The following SIRT2 variants were observed in gnomAD, a reference collection of about 807,000 sequenced individuals.
SIRT2 encodes the protein NAD-dependent protein deacetylase sirtuin-2.
A neutral mutation model predicts 57.4 loss-of-function variants in SIRT2; 40 were observed. The ratio of observed to expected loss-of-function variants is 0.70; its 90% CI spans 0.54 to 0.91. The LOEUF is 0.91. Ranked by LOEUF, SIRT2 falls within the 40% of genes least tolerant of loss-of-function variation. The pLI is 0.00. For synonymous variants in SIRT2, 161 were observed against 195.7 expected (o/e 0.82, Z 1.48); for missense variants, 439 against 510.4 (o/e 0.86, Z 1.35).
chr19:38,891,782 T>C (rs943007862), intron 4 of SIRT2: 4 of 447,006 alleles, frequency 8.9e-6, no homozygotes, highest in Non-Finnish European at 1.9e-5. Flanking sequence ...GGCACCCTCA[T>C]GAGCCAATTA....
chr19:38,894,739 C>A (rs1048751614), intron 2 of SIRT2: 2 of 452,646 alleles, frequency 4.4e-6, no homozygotes, highest in African/African-American at 2.0e-5. Flanking sequence ...TGTCTCCTTC[C>A]TCGAAGCCTC....
At chr19:38,889,582 G>C (rs1288003042) in intron 7 of SIRT2, 107 bp downstream of exon 7, 2 of 1,280,042 alleles carry the variant, frequency 1.6e-6, no homozygotes, top group East Asian at 4.9e-5. Flanking sequence ...CAGCACCCAT[G>C]TACTTAATGG....
intron 7 of SIRT2, 123 bp from the exon 8 acceptor site, chr19:38,889,278 G>A (rs1354699510): frequency 1.1e-5 from 9 of 851,554 alleles, no homozygotes; most frequent in East Asian, 5.2e-5. Context: ...CACAGCAGCC[G>A]CGTCGGGGAG....
chr19:38,885,592 ATT>A (rs35779731), intron 8 of SIRT2, among the ~76,000 whole-genome samples: 9 of 122,434 alleles, frequency 7.4e-5, no homozygotes, highest in African/African-American at 6.2e-5. Flanking sequence ...ATGCGTGGCT[ATT>A]TTTTTTTTTT....
At position 38,890,179 on chromosome 19, in the gene SIRT2, G is replaced by A. The variant is rs201342205; in HGVS notation, c.227-35C>T. The A allele has an allele frequency of 8.9e-5, 143 of 1,611,338 alleles. No homozygotes were observed. The East Asian group carries it at 1.4e-3, about 16-fold the overall frequency. ...AGGAACTTATGCACCATATGACACC[G>A]TTTGCTCAGTCCCTACGATAGCACC... On this transcript the variant is annotated intron_variant, in intron 4 of 15. Coordinates refer to ENST00000249396, the MANE Select transcript of SIRT2 (RefSeq NM_012237.4).
intron 2 of SIRT2, among the ~76,000 whole-genome samples, chr19:38,895,359 C>T (rs1348546422): frequency 6.6e-6 from 1 of 152,178 alleles, no homozygotes; most frequent in Non-Finnish European, 1.5e-5. Flanking sequence ...TATGGAATTG[C>T]CAGGATGTCC....
intron 4 of SIRT2, among the ~76,000 whole-genome samples, chr19:38,892,541 G>A (rs976751754): frequency 6.6e-6 from 1 of 152,126 alleles, no homozygotes; most frequent in Non-Finnish European, 1.5e-5. Flanking sequence ...CCTGCTCTAA[G>A]CATTTGCATT....
rs200035722 is a variant in SIRT2 at position 38,879,011 on chromosome 19, C to T, written c.*144G>A. 1.2e-6 allele frequency: 1 copy of T among 852,854 alleles called. No homozygotes were observed. Among genetic ancestry groups the T allele is most frequent in the Non-Finnish European group, 1.7e-6 (1 of 577,012 alleles). The allele number at this position is 852,854 out of a possible 1,614,324, so 52.8% of individuals were successfully genotyped here. ...GGGTTGGGGGCCAGGGTTGCTGGGACCCCAGTTTTGGGGAGGGAGCTGTAA... is the reference window on the plus strand; with the variant it reads ...GGGTTGGGGGCCAGGGTTGCTGGGATCCCAGTTTTGGGGAGGGAGCTGTAA... On this transcript the variant is annotated 3_prime_UTR_variant, in exon 16 of 16. Transcript: ENST00000249396.
In SIRT2 at chr19:38,879,021, G is replaced by T; in HGVS notation, c.*134C>A. 1.0e-6 allele frequency: 1 copy of T among 963,194 alleles called. No individual in the cohort carries two copies. The highest frequency in any genetic ancestry group is 1.7e-5 in the African/African-American group (1 of 60,008). 59.7% of individuals were successfully genotyped at this position (963,194 alleles called of 1,614,324 possible). ...CCAGGGTTGCTGGGACCCCAGTTTT[G>T]GGGAGGGAGCTGTAAGAGATTGGGG... On this transcript the variant is annotated 3_prime_UTR_variant, in exon 16 of 16. Coordinates refer to ENST00000249396, the MANE Select transcript of SIRT2 (RefSeq NM_012237.4).
chr19:38,880,859 G>C lies in SIRT2; in HGVS notation c.786C>G (p.Thr262=), dbSNP rs200729406. The stretch of plus-strand genomic sequence containing the variant: ...AGGCAAAGGGCTGCACCTGCAAGGA[G>C]GTACCCATGACCAGGAGGAGGTCCA... The part of the protein sequence containing the change: ...LKVDLLLVMG[T]SLQVQPFASL... The change falls in exon 12 of 16, where the codon ACC becomes ACG. Residue 262 remains threonine (T), a synonymous_variant. Coordinates refer to ENST00000249396, the MANE Select transcript of SIRT2 (RefSeq NM_012237.4). The surrounding 1 kb of genome is among the most constrained non-coding windows in gnomAD (Gnocchi z 4.1). 2.5e-6 allele frequency: 4 copies of C among 1,613,762 alleles called. No homozygotes were observed. The African/African-American group carries it at 5.3e-5, about 22-fold the overall frequency.
intron 4 of SIRT2, among the ~76,000 whole-genome samples, chr19:38,892,737 TA>T (rs199795852): frequency 8.9e-6 from 1 of 112,614 alleles, no homozygotes; most frequent in South Asian, 3.7e-4. Context: ...CATATCTGAC[TA>T]TTTTTTTTTT....
At chr19:38,893,293 A>C (rs1973603090) in intron 4 of SIRT2, 121 bp downstream of exon 4, 1 of 690,420 alleles carries the variant, frequency 1.4e-6, no homozygotes, top group East Asian at 2.7e-5. Context: ...AGCCAGTTCC[A>C]GCTGGGTTTC....
At chr19:38,891,029 T>C (rs1973517160) in intron 4 of SIRT2, among the ~76,000 whole-genome samples, 1 of 152,248 alleles carries the variant, frequency 6.6e-6, no homozygotes, top group African/African-American at 2.4e-5. Flanking sequence ...GGTGGCTACA[T>C]GTGGTCTGGA....
chr19:38,880,695 T>C lies in SIRT2; in HGVS notation c.866A>G (p.Lys289Arg), dbSNP rs1973119814. Residue 289 changes from lysine (K) to arginine (R), a missense_variant, in exon 13 of 16, where the codon AAA becomes AGA. By Grantham distance (26) the Lys-to-Arg change is conservative. Transcript: ENST00000249396. The surrounding 1 kb of genome is among the most constrained non-coding windows in gnomAD (Gnocchi z 4.1). ...STPRLLINKE[K>R]AGQSDPFLGM... ...AAGAAGGGCTCTTACCTGGCCAGCT[T>C]TCTCCTTGTTGATGAGCAGGCGAGG... 2 of 1,573,202 alleles carry C rather than the reference T, an allele frequency of 1.3e-6. No homozygotes were observed. The highest frequency in any genetic ancestry group is 4.5e-5 in the East Asian group (2 of 44,270).
rs998580258 is a variant in SIRT2, at chr19:38,879,698, T to C, written c.881A>G (p.Asp294Gly). The change falls in exon 14 of 16, where the codon GAC (aspartate) becomes GGC (glycine). Residue 294 changes from aspartate to glycine, a missense_variant. Transcript: ENST00000249396. ...GCCCATAATCATCCCCAGGAAAGGG[T>C]CCGACTGTCAGGGAGGGGGTGGGTC... ...LINKEKAGQS[D>G]PFLGMIMGLG... 6.4e-7 allele frequency: 1 copy of C among 1,566,460 alleles called. No individual in the cohort carries two copies. The highest frequency in any genetic ancestry group is 1.4e-5 in the African/African-American group (1 of 73,630).
At chr19:38,888,762 C>T (rs1973422456) in intron 8 of SIRT2, among the ~76,000 whole-genome samples, 1 of 152,232 alleles carries the variant, frequency 6.6e-6, no homozygotes, top group Non-Finnish European at 1.5e-5. Flanking sequence ...ATAGTGCACA[C>T]AGAGTCCCTT....
rs530727713 is a variant in SIRT2, at chr19:38,887,697, G to A, written c.501+1390C>T. ...TGGGGCTGCAGGTGCCAAACTGCAG[G>A]TACAGGGAGAAAACACTAGAACACT... On this transcript the variant is annotated intron_variant, in intron 8 of 15. Transcript: ENST00000249396. Among the ~76,000 whole-genome samples, 6 of 152,254 alleles carry A rather than the reference G, an allele frequency of 3.9e-5. No individual in the cohort carries two copies. The East Asian group carries it at 1.2e-3, about 29-fold the overall frequency.
At position 38,879,086 on chromosome 19, in the gene SIRT2, G is replaced by GGGGGCC; in HGVS notation, c.*63_*68dup. The GGGGGCC allele has an allele frequency of 1.4e-6, 2 of 1,470,372 alleles. No individual in the cohort carries two copies. Among genetic ancestry groups the GGGGGCC allele is most frequent in the South Asian group, 1.4e-5 (1 of 70,144 alleles). 91.1% of individuals were successfully genotyped at this position (1,470,372 alleles called of 1,614,324 possible). On this transcript the variant is annotated 3_prime_UTR_variant, in exon 16 of 16. Coordinates refer to ENST00000249396, the MANE Select transcript of SIRT2 (RefSeq NM_012237.4). The stretch of plus-strand genomic sequence containing the variant: ...CCCAGACAAGAACTGCTGGTTAAGA[G>GGGGGCC]GGGGCCAGGCCCGGTTGGGGCTCAG...
At chr19:38,893,351 G>A in intron 4 of SIRT2, 63 bp downstream of exon 4, 1 of 975,464 alleles carries the variant, frequency 1.0e-6, no homozygotes. Flanking sequence ...AAGTGGCTGG[G>A]GATGGGAGGT....
Sources: gnomAD v4.1 joint callset for allele counts (sites outside exome capture counted in the v4.1 genomes callset) on GRCh38, gnomAD v4.1.1 for gene constraint, Gnocchi (gnomAD v3.1) non-coding constraint, MANE v1.5 for transcripts, NCBI Gene and HGNC (gene_info 2026-07-23, HGNC 2026-07-21) for gene names.